EFCAB6: variants seen among roughly 807,000 people sequenced by gnomAD.
The protein encoded by EFCAB6 is EF-hand calcium-binding domain-containing protein 6.
EFCAB6 carries 156 observed loss-of-function variants against 169.8 expected under a neutral mutation model. The ratio of observed to expected loss-of-function variants is 0.92; its 90% CI spans 0.81 to 1.05. EFCAB6 has a LOEUF of 1.05. Ranked by LOEUF, EFCAB6 falls within the 50% of genes least tolerant of loss-of-function variation. The probability of loss-of-function intolerance (pLI) is 0.00; values close to 1 mark genes in which losing one functional copy is unlikely to be tolerated. For missense variants in EFCAB6, 1,800 were observed against 1,829.1 expected, an observed-to-expected ratio of 0.98 and a Z score of 0.29; for synonymous variants, 698 against 676.4, an observed-to-expected ratio of 1.03 and a Z score of -0.50.
chr22:43,752,525 G>C (rs1158054086), intron 6 of EFCAB6, among the ~76,000 whole-genome samples: 1 of 152,222 alleles, frequency 6.6e-6, no homozygotes, highest in Non-Finnish European at 1.5e-5. Context: ...GGCCACACCA[G>C]GTGGTGATTG....
intron 6 of EFCAB6, 115 bp from the exon 7 acceptor site, chr22:43,736,108 GACTC>G: frequency 9.5e-7 from 1 of 1,055,274 alleles, no homozygotes; most frequent in Non-Finnish European, 1.3e-6. Flanking sequence ...TGTTTTCAAA[GACTC>G]ACAGTGGTAG....
At chr22:43,766,701 G>C (rs1363346149) in intron 4 of EFCAB6, among the ~76,000 whole-genome samples, 1 of 151,974 alleles carries the variant, frequency 6.6e-6, no homozygotes, top group African/African-American at 2.4e-5. Flanking sequence ...TTTTAGTAGA[G>C]ACAGGGTTTC....
chr22:43,632,279 T>C (rs761760424), intron 18 of EFCAB6, 41 bp from the exon 19 acceptor site: 41 of 1,402,404 alleles, frequency 2.9e-5, no homozygotes, highest in Non-Finnish European at 3.9e-5. Context: ...TTAGTGCCCA[T>C]CAGCTTCATT....
At chr22:43,730,912 T>C (rs1875008817) in intron 8 of EFCAB6, among the ~76,000 whole-genome samples, 1 of 152,184 alleles carries the variant, frequency 6.6e-6, no homozygotes, top group Non-Finnish European at 1.5e-5. Context: ...GAGAGGGATC[T>C]GAGAATCATA....
Position 43,628,741 on chromosome 22 carries a change from TC to T in EFCAB6, c.2233-2063del, listed in dbSNP as rs910119009. Among the ~76,000 whole-genome samples, 1 of 152,152 alleles carries T rather than the reference TC, an allele frequency of 6.6e-6. No homozygotes were observed. Among genetic ancestry groups the T allele is most frequent in the African/African-American group, 2.4e-5 (1 of 41,446 alleles). On this transcript the variant is annotated intron_variant, in intron 19 of 31. Coordinates refer to ENST00000262726, the MANE Select transcript of EFCAB6 (RefSeq NM_022785.4). The surrounding 1 kb of genome is among the most constrained non-coding windows in gnomAD (Gnocchi z 4.8). Reference sequence around the variant, plus strand: ...AGTGTCCCCTCTCCAGAGAGGCACTTCCTGACTCCTCTGTACAATGGCACCA... The same window carrying T: ...AGTGTCCCCTCTCCAGAGAGGCACTTCTGACTCCTCTGTACAATGGCACCA...
In EFCAB6 at chr22:43,687,452, T is replaced by G. The variant is rs562111915; in HGVS notation, c.1142+19A>C. On this transcript the variant is annotated intron_variant, in intron 11 of 31. Coordinates refer to ENST00000262726, the MANE Select transcript of EFCAB6 (RefSeq NM_022785.4). ...GATATGTGTAACTAAAATTTGTTTT[T>G]TTTTTTTTTTTTACATACCTATTTC... 44 of 1,369,664 alleles carry G rather than the reference T, an allele frequency of 3.2e-5. 1 individual carries two copies. Among genetic ancestry groups the G allele is most frequent in the Admixed American group, 1.2e-4 (5 of 41,706 alleles). The allele number at this position is 1,369,664 out of a possible 1,614,324, so 84.8% of individuals were successfully genotyped here.
chr22:43,633,312 G>A (rs1569286884), intron 18 of EFCAB6, among the ~76,000 whole-genome samples: 1 of 152,234 alleles, frequency 6.6e-6, no homozygotes, highest in African/African-American at 2.4e-5. Flanking sequence ...CACTTTGGGA[G>A]GCCAAGGTGG....
intron 8 of EFCAB6, among the ~76,000 whole-genome samples, chr22:43,727,878 G>C (rs564257068): frequency 6.6e-6 from 1 of 152,124 alleles, no homozygotes; most frequent in African/African-American, 2.4e-5. Context: ...CATCTGCTCG[G>C]CTTCAAGAAG....
In EFCAB6 at chr22:43,711,495, A is replaced by G. The variant is rs1323603983; in HGVS notation, c.1011T>C (p.Ile337=). The change falls in exon 10 of 32, where the codon ATT becomes ATC. Residue 337 remains isoleucine, a synonymous_variant. Transcript: ENST00000262726. The part of the protein sequence containing the change: ...DTFVYQIPRR[I]FIQLMKRFGL... Reference sequence around the variant, plus strand: ...CTTACCTTTTCATTAACTGGATAAAAATTCTTCTTGGTATTTGGTATACAA... The same window carrying G: ...CTTACCTTTTCATTAACTGGATAAAGATTCTTCTTGGTATTTGGTATACAA... 1 of 1,582,458 alleles carries G rather than the reference A, an allele frequency of 6.3e-7. No individual in the cohort carries two copies. The highest frequency in any genetic ancestry group is 8.5e-7 in the Non-Finnish European group (1 of 1,171,758).
At chr22:43,568,129 A>G (rs2049573239) in intron 26 of EFCAB6, among the ~76,000 whole-genome samples, 1 of 152,158 alleles carries the variant, frequency 6.6e-6, no homozygotes, top group Admixed American at 6.5e-5. Context: ...AATGAGGCTC[A>G]TTGTCCCCAC....
At chr22:43,757,534 C>G (rs894184821) in intron 5 of EFCAB6, among the ~76,000 whole-genome samples, 1 of 152,108 alleles carries the variant, frequency 6.6e-6, no homozygotes, top group Non-Finnish European at 1.5e-5. Flanking sequence ...ACAACAACAG[C>G]GAAACTCCAT....
chr22:43,602,880 C>T (rs1455633094), intron 22 of EFCAB6, among the ~76,000 whole-genome samples: 1 of 152,050 alleles, frequency 6.6e-6, no homozygotes, highest in African/African-American at 2.4e-5. Flanking sequence ...TGCTACTGCT[C>T]TATGCCACCC....
At chr22:43,561,193 C>T (rs1173001028) in intron 26 of EFCAB6, among the ~76,000 whole-genome samples, 1 of 151,822 alleles carries the variant, frequency 6.6e-6, no homozygotes, top group Non-Finnish European at 1.5e-5. Context: ...TTCGTCTTTA[C>T]CAAAAATACA....
chr22:43,808,333 C>T (rs2062989305), intron 2 of EFCAB6, among the ~76,000 whole-genome samples: 1 of 152,190 alleles, frequency 6.6e-6, no homozygotes, highest in African/African-American at 2.4e-5. Flanking sequence ...AAACGAATCT[C>T]CCACAGATAC....
At chr22:43,758,059 A>T (rs193012324) in intron 5 of EFCAB6, among the ~76,000 whole-genome samples, 1 of 152,146 alleles carries the variant, frequency 6.6e-6, no homozygotes, top group African/African-American at 2.4e-5. Context: ...AAGTCTTAAA[A>T]TTTATTTTGC....
intron 17 of EFCAB6, among the ~76,000 whole-genome samples, chr22:43,640,977 C>T (rs534046717): frequency 6.6e-6 from 1 of 152,150 alleles, no homozygotes; most frequent in South Asian, 2.1e-4. Flanking sequence ...GCCTGGGTGA[C>T]CAGAAAAAAA....
At chr22:43,599,869 G>A (rs1381768168) in intron 23 of EFCAB6, among the ~76,000 whole-genome samples, 200 bp downstream of exon 23, 1 of 152,176 alleles carries the variant, frequency 6.6e-6, no homozygotes, top group Non-Finnish European at 1.5e-5. Flanking sequence ...TTGTGACTGG[G>A]TAAGATGGAA....
intron 5 of EFCAB6, among the ~76,000 whole-genome samples, chr22:43,757,160 T>C (rs1275482084): frequency 6.6e-6 from 1 of 152,238 alleles, no homozygotes; most frequent in Non-Finnish European, 1.5e-5. Flanking sequence ...GATCAGGAAT[T>C]CAAATCTATA....
Position 43,572,020 on chromosome 22 carries a change from G to A in EFCAB6, c.3420+4277C>T, listed in dbSNP as rs960099877. On this transcript the variant is annotated intron_variant, in intron 26 of 31. Transcript: ENST00000262726. This position sits in a 1 kb window ranked among gnomAD's most constrained non-coding sequence, Gnocchi z 4.0. Reference sequence around the variant, plus strand: ...GGGGGTTGATCCCATTGAATTCCCAGAAAACAGATCGCACACTGATGGGAC... The same window carrying A: ...GGGGGTTGATCCCATTGAATTCCCAAAAAACAGATCGCACACTGATGGGAC... Among the ~76,000 whole-genome samples, 2 of 152,184 alleles carry A rather than the reference G, an allele frequency of 1.3e-5. No individual in the cohort carries two copies. Among genetic ancestry groups the A allele is most frequent in the African/African-American group, 4.8e-5 (2 of 41,448 alleles).
Sources: gnomAD v4.1 joint callset for allele counts (sites outside exome capture counted in the v4.1 genomes callset) on GRCh38, gnomAD v4.1.1 for gene constraint, Gnocchi (gnomAD v3.1) non-coding constraint, MANE v1.5 for transcripts, NCBI Gene and HGNC (gene_info 2026-07-23, HGNC 2026-07-21) for gene names.